Variants in NCKAP5 observed in about 807,000 individuals in gnomAD.
NCKAP5 encodes nck-associated protein 5.
In NCKAP5, 92 loss-of-function variants were observed where a neutral mutation model predicts 167.0. That is an observed-to-expected ratio of 0.55 (90% confidence interval 0.47 to 0.66). NCKAP5 has a LOEUF of 0.66. Among genes scored for constraint, NCKAP5 ranks in the 30% least tolerant of loss-of-function variants. NCKAP5 has a pLI of 0.00. For missense variants in NCKAP5, 2,378 were observed against 2,315.0 expected, an observed-to-expected ratio of 1.03 and a Z score of -0.56; for synonymous variants, 891 against 877.4, an observed-to-expected ratio of 1.02 and a Z score of -0.27.
chr2:133,179,532 T>A (rs181285425), intron 5 of NCKAP5, among the ~76,000 whole-genome samples: 1 of 152,338 alleles, frequency 6.6e-6, no homozygotes, highest in East Asian at 1.9e-4. Context: ...ATGTTTGAAT[T>A]ATCTGATGCA....
chr2:133,417,794 A>G (rs1400426696), intron 3 of NCKAP5, among the ~76,000 whole-genome samples: 1 of 152,198 alleles, frequency 6.6e-6, no homozygotes, highest in African/African-American at 2.4e-5. Flanking sequence ...CAAGTAGGCC[A>G]TAATGGTGAA....
At chr2:132,962,814 A>G (rs568757857) in intron 8 of NCKAP5, among the ~76,000 whole-genome samples, 6 of 152,192 alleles carry the variant, frequency 3.9e-5, no homozygotes, top group Admixed American at 3.9e-4. Flanking sequence ...GATGGTCTCC[A>G]TCTCCTGACC....
At chr2:132,986,708 T>C (rs1162678313) in intron 7 of NCKAP5, among the ~76,000 whole-genome samples, 1 of 152,354 alleles carries the variant, frequency 6.6e-6, no homozygotes, top group Non-Finnish European at 1.5e-5. Context: ...AGTTTAACAA[T>C]ATAATTTTTC....
At chr2:133,331,030 A>G (rs1281608652) in intron 3 of NCKAP5, among the ~76,000 whole-genome samples, 1 of 152,316 alleles carries the variant, frequency 6.6e-6, no homozygotes, top group Admixed American at 6.5e-5. Flanking sequence ...TCACAGATCA[A>G]AAAATGAGCA....
In NCKAP5 at chr2:133,311,870, C is replaced by A. The variant is rs551838010; in HGVS notation, c.70-8760G>T. ...ACCGAATATATATATTTAATCCTAGCAGTTTTCTAAATTACTTTTTACTCA... is the reference window on the plus strand; with the variant it reads ...ACCGAATATATATATTTAATCCTAGAAGTTTTCTAAATTACTTTTTACTCA... On this transcript the variant is annotated intron_variant, in intron 3 of 19. Transcript: ENST00000409261. Among the ~76,000 whole-genome samples the A allele has an allele frequency of 4.6e-5, 7 of 152,296 alleles. No individual in the cohort carries two copies. The East Asian group carries it at 1.4e-3, about 29-fold the overall frequency.
At chr2:133,263,604 A>G (rs912039946) in intron 4 of NCKAP5, among the ~76,000 whole-genome samples, 2 of 152,182 alleles carry the variant, frequency 1.3e-5, no homozygotes, top group African/African-American at 4.8e-5. Context: ...TCTGGAGGAA[A>G]GTCATGAATG....
At chr2:132,824,503 AAGG>A (rs1686984622) in intron 11 of NCKAP5, among the ~76,000 whole-genome samples, 1 of 152,232 alleles carries the variant, frequency 6.6e-6, no homozygotes, top group Non-Finnish European at 1.5e-5. Flanking sequence ...ACTAGGAGAA[AAGG>A]AGGCTGAGAA....
chr2:132,955,472 T>A (rs2076311635), intron 8 of NCKAP5, among the ~76,000 whole-genome samples: 1 of 152,182 alleles, frequency 6.6e-6, no homozygotes, highest in Non-Finnish European at 1.5e-5. Context: ...CATCCATCTC[T>A]GAAAGGACAT....
intron 3 of NCKAP5, among the ~76,000 whole-genome samples, chr2:133,383,694 G>A (rs1356118253): frequency 6.6e-6 from 1 of 152,184 alleles, no homozygotes; most frequent in Non-Finnish European, 1.5e-5. Context: ...GTGTAAAAGT[G>A]TTCCTATTTC....
intron 19 of NCKAP5, among the ~76,000 whole-genome samples, chr2:132,722,550 A>T (rs554035856): frequency 6.6e-5 from 10 of 152,042 alleles, no homozygotes; most frequent in African/African-American, 2.4e-4. Flanking sequence ...CTTCCTCATC[A>T]CATTTGGACA....
At chr2:133,454,553 T>C (rs1691733145) in intron 3 of NCKAP5, among the ~76,000 whole-genome samples, 2 of 152,110 alleles carry the variant, frequency 1.3e-5, no homozygotes, top group African/African-American at 4.8e-5. Context: ...AGGTCTTCTC[T>C]GCCCAAGAAA....
intron 3 of NCKAP5, among the ~76,000 whole-genome samples, chr2:133,308,724 C>T (rs1240143401): frequency 7.6e-5 from 6 of 78,796 alleles, no homozygotes; most frequent in East Asian, 4.3e-4. Context: ...TTTTTTGAGA[C>T]GGAGTCTTGC....
chr2:133,647,711 A>AG, the NCKAP5 span, among the ~76,000 whole-genome samples: 17 of 99,826 alleles, frequency 1.7e-4, 1 homozygote, highest in East Asian at 1.1e-3. Context: ...GGAAAGAAAA[A>AG]GAAAGGAAGG....
Position 132,804,772 on chromosome 2 carries a change from G to C in NCKAP5, c.808-8043C>G, listed in dbSNP as rs114648424. On this transcript the variant is annotated intron_variant, in intron 11 of 19. Coordinates refer to ENST00000409261, the MANE Select transcript of NCKAP5 (RefSeq NM_207363.3). ...GAAGAAGCTGTCATCTTAGTTTTTA[G>C]AGATGAAGAACCCAAGATGACAGAA... Among the ~76,000 whole-genome samples, 529 of 152,158 alleles carry C rather than the reference G, an allele frequency of 3.5e-3. 4 individuals are homozygous for C. Among genetic ancestry groups the C allele is most frequent in the African/African-American group, 0.012 (491 of 41,518 alleles).
Position 132,785,608 on chromosome 2 carries a change from A to C in NCKAP5, c.1203T>G (p.Ile401Met). 6.4e-7 allele frequency: 1 copy of C among 1,571,002 alleles called. No homozygotes were observed. The highest frequency in any genetic ancestry group is 8.6e-7 in the Non-Finnish European group (1 of 1,161,822). Residue 401 changes from isoleucine (I) to methionine (M), a missense_variant, in exon 14 of 20, where the codon ATT becomes ATG. Coordinates refer to ENST00000409261, the MANE Select transcript of NCKAP5 (RefSeq NM_207363.3). The stretch of plus-strand genomic sequence containing the variant: ...TCTGTAGCTTTCTTAGCCCTTCCAA[A>C]ATGTGGCTTTCCTTGATACGAGTTG... ...LPPTRIKESH[I>M]LEGLRKLQKR...
At chr2:132,853,038 C>CA (rs1432838546) in intron 11 of NCKAP5, among the ~76,000 whole-genome samples, 1 of 152,140 alleles carries the variant, frequency 6.6e-6, no homozygotes, top group Admixed American at 6.5e-5. Flanking sequence ...ATGAATAAAG[C>CA]AATATATTCT....
At chr2:133,173,952 A>C (rs2084351346) in intron 5 of NCKAP5, among the ~76,000 whole-genome samples, 1 of 151,816 alleles carries the variant, frequency 6.6e-6, no homozygotes. Flanking sequence ...AACAGAATGG[A>C]GAGAAGGTAG....
chr2:132,696,563 A>G (rs1687331623), intron 19 of NCKAP5, among the ~76,000 whole-genome samples: 2 of 152,154 alleles, frequency 1.3e-5, no homozygotes, highest in South Asian at 2.1e-4. Context: ...GGTTCAGCCA[A>G]GTTAAGAAGT....
At chr2:132,884,448 C>G (rs1278444030) in intron 8 of NCKAP5, among the ~76,000 whole-genome samples, 5 of 152,172 alleles carry the variant, frequency 3.3e-5, no homozygotes, top group Non-Finnish European at 5.9e-5. Context: ...GGCTCCGGTT[C>G]CAGTTCCATT....
Sources: gnomAD v4.1 joint callset for allele counts (sites outside exome capture counted in the v4.1 genomes callset) on GRCh38, gnomAD v4.1.1 for gene constraint, MANE v1.5 for transcripts, NCBI Gene and HGNC (gene_info 2026-07-23, HGNC 2026-07-21) for gene names.